ATXN2: variants seen among roughly 807,000 people sequenced by gnomAD.
The protein encoded by ATXN2 is ataxin-2.
In ATXN2, 37 loss-of-function variants were observed where a neutral mutation model predicts 138.6. The observed-to-expected ratio is 0.27, with a 90% confidence interval of 0.21 to 0.35. The LOEUF (loss-of-function observed/expected upper bound fraction) is 0.35, where lower values mean the gene tolerates loss of function less well. Ranked by LOEUF, ATXN2 falls within the 10% of genes least tolerant of loss-of-function variation. The pLI is 1.00. For missense variants in ATXN2, 1,216 were observed against 1,480.3 expected, an observed-to-expected ratio of 0.82 and a Z score of 2.93; for synonymous variants, 549 against 543.7, an observed-to-expected ratio of 1.01 and a Z score of -0.13.
At chr12:111,597,400 C>T (rs1884990518) in intron 1 of ATXN2, among the ~76,000 whole-genome samples, 1 of 152,220 alleles carries the variant, frequency 6.6e-6, no homozygotes, top group Non-Finnish European at 1.5e-5. Flanking sequence ...CACCCGCCGT[C>T]AAGCCGGCGG....
intron 23 of ATXN2, chr12:111,454,291 T>G (rs1874896255): frequency 6.5e-6 from 1 of 153,988 alleles, no homozygotes; most frequent in African/African-American, 2.4e-5. Flanking sequence ...GGAAAACAGA[T>G]TACATTAATA....
intron 14 of ATXN2, among the ~76,000 whole-genome samples, chr12:111,506,465 C>G (rs528682292): frequency 6.6e-6 from 1 of 152,144 alleles, no homozygotes; most frequent in South Asian, 2.1e-4. Flanking sequence ...TAAAAACATG[C>G]TAATTCACAT....
intron 6 of ATXN2, among the ~76,000 whole-genome samples, chr12:111,521,738 C>T (rs1393793018): frequency 6.6e-6 from 1 of 152,124 alleles, no homozygotes; most frequent in Non-Finnish European, 1.5e-5. Context: ...AATTACCATT[C>T]GCAAAAGGGA....
At chr12:111,495,465 A>AT (rs1003528413) in intron 14 of ATXN2, among the ~76,000 whole-genome samples, 3 of 152,218 alleles carry the variant, frequency 2.0e-5, no homozygotes, top group Non-Finnish European at 2.9e-5. Context: ...GATAAAATAG[A>AT]TTTTGAGACA....
chr12:111,509,454 T>G, intron 14 of ATXN2, 95 bp downstream of exon 14: 1 of 736,820 alleles, frequency 1.4e-6, no homozygotes, highest in Non-Finnish European at 2.3e-6. Context: ...GTTTGATGTT[T>G]CTGACTGTAT....
At chr12:111,532,715 T>C (rs1387936212) in intron 5 of ATXN2, among the ~76,000 whole-genome samples, 1 of 152,128 alleles carries the variant, frequency 6.6e-6, no homozygotes, top group Non-Finnish European at 1.5e-5. Flanking sequence ...CACAAATTCT[T>C]TGAGAATCCA....
At chr12:111,535,948 C>T (rs998374936) in intron 5 of ATXN2, among the ~76,000 whole-genome samples, 15 of 145,840 alleles carry the variant, frequency 1.0e-4, no homozygotes, top group East Asian at 2.0e-4. Flanking sequence ...TGCAGTGAGC[C>T]GAGATCCCGC....
chr12:111,465,644 C>T (rs1875940351), intron 20 of ATXN2, among the ~76,000 whole-genome samples: 1 of 151,696 alleles, frequency 6.6e-6, no homozygotes, highest in Non-Finnish European at 1.5e-5. Flanking sequence ...GTGGCGCACA[C>T]CTGTAGTCCC....
At chr12:111,561,413 C>G (rs1309915731) in intron 1 of ATXN2, among the ~76,000 whole-genome samples, 1 of 151,392 alleles carries the variant, frequency 6.6e-6, no homozygotes, top group Non-Finnish European at 1.5e-5. Context: ...GGGAGGAGAA[C>G]GGCTTGAACC....
At chr12:111,482,547 C>G (rs1042263438) in intron 18 of ATXN2, among the ~76,000 whole-genome samples, 1 of 152,052 alleles carries the variant, frequency 6.6e-6, no homozygotes. Flanking sequence ...TAGAATGTGA[C>G]TCTCCCATCA....
chr12:111,576,408 G>A (rs1883651333), intron 1 of ATXN2, among the ~76,000 whole-genome samples: 1 of 152,020 alleles, frequency 6.6e-6, no homozygotes, highest in African/African-American at 2.4e-5. Flanking sequence ...GCACGCCACT[G>A]TACTCCAACC....
intron 1 of ATXN2, among the ~76,000 whole-genome samples, chr12:111,584,250 C>A (rs1256881954): frequency 6.6e-6 from 1 of 150,664 alleles, no homozygotes; most frequent in African/African-American, 2.4e-5. Flanking sequence ...GGCATGGTAG[C>A]GTGCTCCTGT....
intron 1 of ATXN2, among the ~76,000 whole-genome samples, chr12:111,584,630 GA>G (rs1884221063): frequency 6.6e-6 from 1 of 151,870 alleles, no homozygotes; most frequent in Non-Finnish European, 1.5e-5. Context: ...AAGAGATCAA[GA>G]CTATCCTGGC....
chr12:111,454,676 C>G (rs1412309905), intron 23 of ATXN2: 2 of 267,664 alleles, frequency 7.5e-6, no homozygotes, highest in Non-Finnish European at 1.5e-5. Flanking sequence ...GTGCACTGTT[C>G]TAGACTACGA....
chr12:111,508,405 T>C (rs1324894938), intron 14 of ATXN2, among the ~76,000 whole-genome samples: 3 of 151,864 alleles, frequency 2.0e-5, no homozygotes, highest in Non-Finnish European at 2.9e-5. Flanking sequence ...TTTGTATCAT[T>C]TGTATGTGTT....
chr12:111,462,113 G>A (rs1875634290), intron 21 of ATXN2, among the ~76,000 whole-genome samples: 1 of 152,112 alleles, frequency 6.6e-6, no homozygotes, highest in South Asian at 2.1e-4. Context: ...AATTTTATTT[G>A]TAATACTGAT....
chr12:111,544,215 A>G (rs1881686918), intron 5 of ATXN2, among the ~76,000 whole-genome samples: 1 of 152,210 alleles, frequency 6.6e-6, no homozygotes, highest in Admixed American at 6.5e-5. Flanking sequence ...CCCAAAATAG[A>G]TTCTTGTATT....
intron 5 of ATXN2, among the ~76,000 whole-genome samples, chr12:111,540,538 T>C (rs1337834483): frequency 6.6e-6 from 1 of 150,588 alleles, no homozygotes; most frequent in African/African-American, 2.4e-5. Flanking sequence ...TCTTTAAAAA[T>C]ACAATAAAAT....
rs1163671617 is a variant in ATXN2, at chr12:111,599,233, G to A, written c.-199C>T. 1 of 1,198,244 alleles carries A rather than the reference G, an allele frequency of 8.3e-7. No homozygotes were observed. 74.2% of individuals were successfully genotyped at this position (1,198,244 alleles called of 1,614,324 possible). ...GGCGGGGAGGCCCGCCGAGACCAAG[G>A]AGCCGCCGGGAGCCGGGCCGAAACG... On this transcript the variant is annotated 5_prime_UTR_variant, in exon 1 of 25. Coordinates refer to ENST00000673436, the MANE Select transcript of ATXN2 (RefSeq NM_001372574.1).
Sources: allele counts gnomAD v4.1 joint callset (sites outside exome capture counted in the v4.1 genomes callset), GRCh38; gene constraint gnomAD v4.1.1; transcripts MANE v1.5; gene names NCBI Gene and HGNC (gene_info 2026-07-23, HGNC 2026-07-21).